Variants in MIF observed in about 807,000 individuals in gnomAD.
MIF encodes macrophage migration inhibitory factor, also known as L-dopachrome isomerase.
MIF carries 16 observed loss-of-function variants against 11.3 expected under a neutral mutation model. The ratio of observed to expected loss-of-function variants is 1.42; its 90% CI spans 0.96 to 2.16. The LOEUF is 2.16. Among genes scored for constraint, MIF ranks in the 30% most tolerant of loss-of-function variants. MIF has a pLI of 0.00. For missense variants in MIF, 229 were observed against 165.3 expected, an observed-to-expected ratio of 1.39 and a Z score of -2.11; for synonymous variants, 83 against 74.2, an observed-to-expected ratio of 1.12 and a Z score of -0.61.
Position 23,894,596 on chromosome 22 carries a change from G to A in MIF, c.108+14G>A, listed in dbSNP as rs1395007883. The stretch of plus-strand genomic sequence containing the variant: ...AAGCCCCCCCAGGTTTGCCGGGAGG[G>A]GACAGGAAGAGGGGGGTGCCCACCG... On this transcript the variant is annotated intron_variant, in intron 1 of 2. Transcript: ENST00000215754. The A allele has an allele frequency of 6.2e-7, 1 of 1,610,046 alleles. No homozygotes were observed. The highest frequency in any genetic ancestry group is 8.5e-7 in the Non-Finnish European group (1 of 1,177,912).
At position 23,895,054 on chromosome 22, in the gene MIF, A is replaced by C. The variant is rs200286358; in HGVS notation, c.296A>C (p.Tyr99Ser). Residue 99 changes from tyrosine to serine, a missense_variant, in exon 3 of 3, where the codon TAT (tyrosine) becomes TCT (serine). Transcript: ENST00000215754. ...RISPDRVYIN[Y>S]YDMNAANVGW... ...TCCCCCCGCAGGGTCTACATCAACT[A>C]TTACGACATGAACGCGGCCAATGTG... 4 of 1,557,224 alleles carry C rather than the reference A, an allele frequency of 2.6e-6. No individual in the cohort carries two copies. Among genetic ancestry groups the C allele is most frequent in the Admixed American group, 1.9e-5 (1 of 52,180 alleles).
In MIF at chr22:23,894,947, A is replaced by G; in HGVS notation, c.281+3A>G. ...CGCCTGCGCATCAGCCCGGACAGGT[A>G]CGCGGAGTCGCGGAGGGGCGGGGGA... On this transcript the variant is annotated splice_donor_region_variant and intron_variant, in intron 2 of 2. Coordinates refer to ENST00000215754, the MANE Select transcript of MIF (RefSeq NM_002415.2). 1 of 1,551,572 alleles carries G rather than the reference A, an allele frequency of 6.4e-7. No individual in the cohort carries two copies. The highest frequency in any genetic ancestry group is 8.7e-7 in the Non-Finnish European group (1 of 1,147,864).
At position 23,894,428 on chromosome 22, in the gene MIF, C is replaced by G. The variant is rs750947661; in HGVS notation, c.-47C>G. 8.1e-6 allele frequency: 12 copies of G among 1,488,314 alleles called. No homozygotes were observed. In the African/African-American group the frequency reaches 1.2e-4, roughly 15 times the overall value. The allele number at this position is 1,488,314 out of a possible 1,614,324, so 92.2% of individuals were successfully genotyped here. A position where few individuals can be genotyped will look rare whatever the true frequency, so the allele number is the denominator to read the frequency against. On this transcript the variant is annotated 5_prime_UTR_variant, in exon 1 of 3. Coordinates refer to ENST00000215754, the MANE Select transcript of MIF (RefSeq NM_002415.2). ...GCACGTAGCTCAGCGGCGGCCGCGG[C>G]GCGTGCGTCTGTGCCTCTGCGCGGG...
Position 23,894,784 on chromosome 22 carries a change from C to A in MIF, c.121C>A (p.His41Asn). 1 of 1,541,868 alleles carries A rather than the reference C, an allele frequency of 6.5e-7. No homozygotes were observed. Among genetic ancestry groups the A allele is most frequent in the Non-Finnish European group, 8.7e-7 (1 of 1,146,828 alleles). ...TGKPPQYIAV[H>N]VVPDQLMAFG... ...CCTTTCCTCGCAGTACATCGCGGTGCACGTGGTCCCGGACCAGCTCATGGC... is the reference window on the plus strand; with the variant it reads ...CCTTTCCTCGCAGTACATCGCGGTGAACGTGGTCCCGGACCAGCTCATGGC... Residue 41 changes from histidine to asparagine, a missense_variant, in exon 2 of 3, where the codon CAC (histidine) becomes AAC (asparagine). Physicochemically the swap from His to Asn is moderately conservative, Grantham distance 68. Coordinates refer to ENST00000215754, the MANE Select transcript of MIF (RefSeq NM_002415.2).
rs974400944 is a variant in MIF at position 23,895,104 on chromosome 22, T to C, written c.346T>C (p.Ter116GlnextTer22). The change falls in exon 3 of 3, where the codon TAA becomes CAA. Residue 116 changes from the stop codon to glutamine (Q), a stop_lost. Transcript: ENST00000215754. The stretch of plus-strand genomic sequence containing the variant: ...GGGCTGGAACAACTCCACCTTCGCC[T>C]AAGAGCCGCAGGGACCCACGCTGTC... The part of the protein sequence containing the change: ...NVGWNNSTFA[*>Q] The C allele has an allele frequency of 1.9e-5, 30 of 1,554,938 alleles. No individual in the cohort carries two copies. Among genetic ancestry groups the C allele is most frequent in the Non-Finnish European group, 2.5e-5 (29 of 1,148,964 alleles).
Position 23,894,778 on chromosome 22 carries a change from G to C in MIF, c.115G>C (p.Ala39Pro). The C allele has an allele frequency of 6.5e-7, 1 of 1,538,410 alleles. No individual in the cohort carries two copies. The highest frequency in any genetic ancestry group is 8.7e-7 in the Non-Finnish European group (1 of 1,144,922). ...CCGCGCCCTTTCCTCGCAGTACATCGCGGTGCACGTGGTCCCGGACCAGCT... is the reference window on the plus strand; with the variant it reads ...CCGCGCCCTTTCCTCGCAGTACATCCCGGTGCACGTGGTCCCGGACCAGCT... Reference protein sequence around the residue: ...QATGKPPQYIAVHVVPDQLMA... With the variant: ...QATGKPPQYIPVHVVPDQLMA... The change falls in exon 2 of 3, where the codon GCG (alanine) becomes CCG (proline). Residue 39 changes from alanine (A) to proline (P), a missense_variant. By Grantham distance (27) the Ala-to-Pro change is conservative (BLOSUM62 -1). Transcript: ENST00000215754.
At position 23,894,864 on chromosome 22, in the gene MIF, G is replaced by C; in HGVS notation, c.201G>C (p.Lys67Asn). The part of the protein sequence containing the change: ...CALCSLHSIG[K>N]IGGAQNRSYS... Reference sequence around the variant, plus strand: ...TCTGCAGCCTGCACAGCATCGGCAAGATCGGCGGCGCGCAGAACCGCTCCT... The same window carrying C: ...TCTGCAGCCTGCACAGCATCGGCAACATCGGCGGCGCGCAGAACCGCTCCT... The change falls in exon 2 of 3, where the codon AAG becomes AAC. Residue 67 changes from lysine (K) to asparagine (N), a missense_variant. By Grantham distance (94) the Lys-to-Asn change is moderately conservative. Transcript: ENST00000215754. 1 of 1,553,794 alleles carries C rather than the reference G, an allele frequency of 6.4e-7. No homozygotes were observed. The highest frequency in any genetic ancestry group is 8.7e-7 in the Non-Finnish European group (1 of 1,152,844).
chr22:23,894,702 C>T (rs1470736265), intron 1 of MIF, 70 bp from the exon 2 acceptor site: 20 of 1,474,406 alleles, frequency 1.4e-5, no homozygotes, highest in East Asian at 5.0e-5. Flanking sequence ...GACGGTGGCT[C>T]GGGCCCGAAG....
chr22:23,894,980 C>CGGCGCGCGGCCAGGCCCGGGACTGA, intron 2 of MIF, 36 bp downstream of exon 2: 1 of 1,543,516 alleles, frequency 6.5e-7, no homozygotes, highest in Non-Finnish European at 8.7e-7. Flanking sequence ...GGAGGGGCGG[C>CGGCGCGCGGCCAGGCCCGGGACTGA]GGCGCGCGGC....
In MIF at chr22:23,895,088, C is replaced by T; in HGVS notation, c.330C>T (p.Asn110=). ...TGAACGCGGCCAATGTGGGCTGGAACAACTCCACCTTCGCCTAAGAGCCGC... is the reference window on the plus strand; with the variant it reads ...TGAACGCGGCCAATGTGGGCTGGAATAACTCCACCTTCGCCTAAGAGCCGC... The part of the protein sequence containing the change: ...YDMNAANVGW[N]NSTFA Residue 110 remains asparagine, a synonymous_variant, in exon 3 of 3, where the codon AAC becomes AAT. Transcript: ENST00000215754. 6.4e-7 allele frequency: 1 copy of T among 1,558,254 alleles called. No individual in the cohort carries two copies. Among genetic ancestry groups the T allele is most frequent in the South Asian group, 1.2e-5 (1 of 84,650 alleles).
Position 23,895,029 on chromosome 22 carries a change from T to TC in MIF, c.282-5dup. The TC allele has an allele frequency of 3.2e-6, 5 of 1,543,690 alleles. No individual in the cohort carries two copies. Among genetic ancestry groups the TC allele is most frequent in the Non-Finnish European group, 1.8e-6 (2 of 1,142,734 alleles). On this transcript the variant is annotated splice_polypyrimidine_tract_variant and intron_variant, in intron 2 of 2. Transcript: ENST00000215754. ...GAGCCACCCGCTGAGTCCGGCCTCCTCCCCCCGCAGGGTCTACATCAACTA... is the reference window on the plus strand; with the variant it reads ...GAGCCACCCGCTGAGTCCGGCCTCCTCCCCCCCGCAGGGTCTACATCAACTA...
In MIF at chr22:23,894,867, C is replaced by G. The variant is rs754953765; in HGVS notation, c.204C>G (p.Ile68Met). 3 of 1,553,122 alleles carry G rather than the reference C, an allele frequency of 1.9e-6. No individual in the cohort carries two copies. The highest frequency in any genetic ancestry group is 1.7e-6 in the Non-Finnish European group (2 of 1,152,382). Residue 68 changes from isoleucine to methionine, a missense_variant, in exon 2 of 3, where the codon ATC becomes ATG. Ile to Met is a conservative substitution (Grantham distance 10). Coordinates refer to ENST00000215754, the MANE Select transcript of MIF (RefSeq NM_002415.2). ...ALCSLHSIGK[I>M]GGAQNRSYSK... ...GCAGCCTGCACAGCATCGGCAAGATCGGCGGCGCGCAGAACCGCTCCTACA... is the reference window on the plus strand; with the variant it reads ...GCAGCCTGCACAGCATCGGCAAGATGGGCGGCGCGCAGAACCGCTCCTACA...
rs998089326 is a variant in MIF at position 23,894,395 on chromosome 22, G to C, written c.-80G>C. The C allele has an allele frequency of 8.4e-7, 1 of 1,188,000 alleles. No individual in the cohort carries two copies. The highest frequency in any genetic ancestry group is 1.5e-5 in the African/African-American group (1 of 66,634). The allele number at this position is 1,188,000 out of a possible 1,614,324, so 73.6% of individuals were successfully genotyped here. ...AAGGCGGGACCACAGTGGTGTCCGA[G>C]AAGTCAGGCACGTAGCTCAGCGGCG... is the stretch of plus-strand genomic sequence containing the variant. On this transcript the variant is annotated 5_prime_UTR_variant, in exon 1 of 3. Transcript: ENST00000215754.
At position 23,895,101 on chromosome 22, in the gene MIF, G is replaced by A. The variant is rs1316965984; in HGVS notation, c.343G>A (p.Ala115Thr). The change falls in exon 3 of 3, where the codon GCC becomes ACC. Residue 115 changes from alanine (A) to threonine (T), a missense_variant. Physicochemically the swap from Ala to Thr is moderately conservative, Grantham distance 58. Transcript: ENST00000215754. ...TGTGGGCTGGAACAACTCCACCTTC[G>A]CCTAAGAGCCGCAGGGACCCACGCT... ...ANVGWNNSTFA is the reference protein window; with the variant it reads ...ANVGWNNSTFT The A allele has an allele frequency of 6.4e-7, 1 of 1,555,470 alleles. No homozygotes were observed. Among genetic ancestry groups the A allele is most frequent in the Admixed American group, 1.9e-5 (1 of 51,582 alleles).
At chr22:23,894,722 G>C (rs1182457409) in intron 1 of MIF, 50 bp from the exon 2 acceptor site, 4 of 1,483,328 alleles carry the variant, frequency 2.7e-6, no homozygotes, top group Non-Finnish European at 2.7e-6. Context: ...GTGGACGTTC[G>C]GGGCCCGACG....
At chr22:23,894,988 G>C (rs906600603) in intron 2 of MIF, 44 bp downstream of exon 2, 42 of 1,542,034 alleles carry the variant, frequency 2.7e-5, no homozygotes, top group Non-Finnish European at 3.2e-5. Flanking sequence ...GGCGGCGCGC[G>C]GCCAGGCCCG....
At position 23,894,589 on chromosome 22, in the gene MIF, C is replaced by T; in HGVS notation, c.108+7C>T. 6.3e-7 allele frequency: 1 copy of T among 1,579,408 alleles called. No homozygotes were observed. Among genetic ancestry groups the T allele is most frequent in the South Asian group, 1.1e-5 (1 of 90,286 alleles). ...CACCGGCAAGCCCCCCCAGGTTTGC[C>T]GGGAGGGGACAGGAAGAGGGGGGTG... On this transcript the variant is annotated splice_region_variant and intron_variant, in intron 1 of 2. Transcript: ENST00000215754.
At chr22:23,895,002 C>T (rs33958703) in intron 2 of MIF, 38 bp from the exon 3 acceptor site, 58,485 of 1,540,786 alleles carry the variant, frequency 0.038, 2,138 homozygotes, top group African/African-American at 0.19. Context: ...AGGCCCGGGA[C>T]TGAGCCACCC....
chr22:23,894,432 T>C lies in MIF; in HGVS notation c.-43T>C. ...GTAGCTCAGCGGCGGCCGCGGCGCG[T>C]GCGTCTGTGCCTCTGCGCGGGTCTC... On this transcript the variant is annotated 5_prime_UTR_variant, in exon 1 of 3. Coordinates refer to ENST00000215754, the MANE Select transcript of MIF (RefSeq NM_002415.2). The C allele has an allele frequency of 2.0e-6, 3 of 1,506,540 alleles. No homozygotes were observed. Among genetic ancestry groups the C allele is most frequent in the Non-Finnish European group, 2.8e-6 (3 of 1,085,334 alleles). The allele number at this position is 1,506,540 out of a possible 1,614,324, so 93.3% of individuals were successfully genotyped here. A position where few individuals can be genotyped will look rare whatever the true frequency, so the allele number is the denominator to read the frequency against.
Sources: allele counts gnomAD v4.1 joint callset, GRCh38; gene constraint gnomAD v4.1.1; transcripts MANE v1.5; gene names NCBI Gene and HGNC (gene_info 2026-07-23, HGNC 2026-07-21).